The following CCDC178 variants were observed in gnomAD, a reference collection of about 807,000 sequenced individuals.
The protein encoded by CCDC178 is coiled-coil domain containing 178.
A neutral mutation model predicts 117.4 loss-of-function variants in CCDC178; 126 were observed. The observed-to-expected ratio is 1.07, with a 90% confidence interval of 0.93 to 1.24. CCDC178 has a LOEUF of 1.24. Ranked by LOEUF, CCDC178 falls within the 50% of genes most tolerant of loss-of-function variation. CCDC178 has a pLI of 0.00. For synonymous variants in CCDC178, 283 were observed against 313.4 expected (o/e 0.90, Z 1.02); for missense variants, 1,030 against 986.9 (o/e 1.04, Z -0.59).
intron 2 of CCDC178, among the ~76,000 whole-genome samples, chr18:33,438,314 AC>A (rs1297094334): frequency 2.0e-5 from 3 of 152,132 alleles, no homozygotes; most frequent in Non-Finnish European, 4.4e-5. Flanking sequence ...GTCAAAACAT[AC>A]CTGAAGCTTT....
At chr18:33,112,678 C>A (rs1169748282) in intron 20 of CCDC178, among the ~76,000 whole-genome samples, 3 of 151,854 alleles carry the variant, frequency 2.0e-5, no homozygotes. Flanking sequence ...GCTTTCATAG[C>A]CAGTTAGCTT....
chr18:33,321,957 AAAAG>A (rs1350979238), intron 11 of CCDC178, among the ~76,000 whole-genome samples: 7 of 151,990 alleles, frequency 4.6e-5, no homozygotes, highest in African/African-American at 1.7e-4. Flanking sequence ...ATTATTAATC[AAAAG>A]AAAGCTAGTA....
chr18:33,435,089 G>C (rs2064271218), intron 2 of CCDC178, among the ~76,000 whole-genome samples: 1 of 152,040 alleles, frequency 6.6e-6, no homozygotes, highest in African/African-American at 2.4e-5. Context: ...GGGACCGTCT[G>C]CAGAATTTTA....
intron 12 of CCDC178, among the ~76,000 whole-genome samples, chr18:33,278,709 C>T (rs2059983932): frequency 6.6e-6 from 1 of 151,968 alleles, no homozygotes; most frequent in Non-Finnish European, 1.5e-5. Flanking sequence ...CAGAAGTTAC[C>T]TCTAAATGCG....
chr18:33,331,337 C>T (rs1293308874), intron 10 of CCDC178, among the ~76,000 whole-genome samples: 3 of 152,054 alleles, frequency 2.0e-5, no homozygotes, highest in Non-Finnish European at 2.9e-5. Context: ...TTTCCTCTCA[C>T]AGAAATATAT....
chr18:33,395,439 C>T (rs1285911197), intron 4 of CCDC178, among the ~76,000 whole-genome samples: 1 of 151,884 alleles, frequency 6.6e-6, no homozygotes, highest in Non-Finnish European at 1.5e-5. Context: ...GAAATAACCA[C>T]CCCAATGACC....
At chr18:32,984,048 A>G (rs1358777813) in intron 21 of CCDC178, among the ~76,000 whole-genome samples, 1 of 152,002 alleles carries the variant, frequency 6.6e-6, no homozygotes, top group South Asian at 2.1e-4. Context: ...TTATTACCAA[A>G]TCCATTTCAC....
intron 11 of CCDC178, among the ~76,000 whole-genome samples, chr18:33,299,393 T>G (rs2062147150): frequency 6.6e-6 from 1 of 151,978 alleles, no homozygotes; most frequent in Non-Finnish European, 1.5e-5. Flanking sequence ...AAACCTGATA[T>G]TCATATATGG....
intron 21 of CCDC178, among the ~76,000 whole-genome samples, chr18:33,011,946 G>A (rs1311131299): frequency 6.6e-6 from 1 of 152,040 alleles, no homozygotes; most frequent in Non-Finnish European, 1.5e-5. Context: ...TGCAAGACAG[G>A]AAGTGAACAA....
At chr18:33,422,497 T>C (rs1004479177) in intron 2 of CCDC178, among the ~76,000 whole-genome samples, 1 of 152,174 alleles carries the variant, frequency 6.6e-6, no homozygotes, top group African/African-American at 2.4e-5. Flanking sequence ...CAACATCCAA[T>C]AGAACTTTCA....
intron 21 of CCDC178, among the ~76,000 whole-genome samples, chr18:33,084,932 C>T (rs534305907): frequency 6.6e-6 from 1 of 152,210 alleles, no homozygotes; most frequent in South Asian, 2.1e-4. Flanking sequence ...CCGTATCATC[C>T]TCTGTCAGTT....
At position 33,159,172 on chromosome 18, in the gene CCDC178, G is replaced by A. The variant is rs988280553; in HGVS notation, c.2238+52724C>T. Among the ~76,000 whole-genome samples the A allele has an allele frequency of 3.3e-5, 5 of 151,916 alleles. No homozygotes were observed. In the South Asian group the frequency reaches 8.3e-4, roughly 25 times the overall value. On this transcript the variant is annotated intron_variant, in intron 20 of 22. Transcript: ENST00000383096. ...CCATTTTCTGGCATATGTAATTAAC[G>A]GCAAAAGTGTAAAAACTGATTGTAA...
chr18:33,314,446 G>A (rs1276855886), intron 11 of CCDC178, among the ~76,000 whole-genome samples: 2 of 152,028 alleles, frequency 1.3e-5, no homozygotes, highest in African/African-American at 2.4e-5. Context: ...AAAACTCATC[G>A]CTCATGGATT....
chr18:32,947,151 T>C (rs1266486235), intron 22 of CCDC178, among the ~76,000 whole-genome samples: 2 of 152,176 alleles, frequency 1.3e-5, no homozygotes, highest in African/African-American at 4.8e-5. Flanking sequence ...AAGATCTTTA[T>C]AGAGGTATGT....
intron 21 of CCDC178, among the ~76,000 whole-genome samples, chr18:33,032,975 A>G (rs569475283): frequency 5.7e-4 from 87 of 152,124 alleles, no homozygotes; most frequent in Non-Finnish European, 1.0e-3. Flanking sequence ...TTTATTTTAA[A>G]ATGTCATGCA....
intron 5 of CCDC178, among the ~76,000 whole-genome samples, chr18:33,383,781 T>C (rs6507017): frequency 0.96 from 145,377 of 152,220 alleles, 69,779 homozygotes; most frequent in Middle Eastern, 1. Flanking sequence ...CACTGAAAAT[T>C]CTCAAAGCTG....
chr18:32,957,308 A>C (rs2054615267), intron 22 of CCDC178, among the ~76,000 whole-genome samples: 1 of 152,176 alleles, frequency 6.6e-6, no homozygotes, highest in South Asian at 2.1e-4. Flanking sequence ...ATATATGAGG[A>C]ATTTTGATTT....
chr18:33,362,190 C>T (rs200559304), intron 6 of CCDC178, among the ~76,000 whole-genome samples: 11 of 147,716 alleles, frequency 7.4e-5, no homozygotes, highest in Non-Finnish European at 1.3e-4. Flanking sequence ...TATATATATA[C>T]ATATATATAT....
At chr18:33,263,177 A>G (rs1480557265) in intron 14 of CCDC178, among the ~76,000 whole-genome samples, 1 of 152,242 alleles carries the variant, frequency 6.6e-6, no homozygotes, top group African/African-American at 2.4e-5. Flanking sequence ...CAGGTGTGTG[A>G]GAGGACAAGC....
Sources: allele counts gnomAD v4.1 joint callset (sites outside exome capture counted in the v4.1 genomes callset), GRCh38; gene constraint gnomAD v4.1.1; transcripts MANE v1.5; gene names NCBI Gene and HGNC (gene_info 2026-07-23, HGNC 2026-07-21).